ZNF354C: variants seen among roughly 807,000 people sequenced by gnomAD.
ZNF354C encodes zinc finger protein 354C.
ZNF354C carries 7 observed loss-of-function variants against 12.4 expected under a neutral mutation model. The observed-to-expected ratio is 0.56, with a 90% confidence interval of 0.32 to 1.06. ZNF354C has a LOEUF of 1.06. Among genes scored for constraint, ZNF354C ranks in the 50% least tolerant of loss-of-function variants. The pLI is 0.04. For missense variants in ZNF354C, 609 were observed against 658.0 expected (o/e 0.93, Z 0.81); for synonymous variants, 202 against 224.5 (o/e 0.90, Z 0.90).
chr5:179,061,996 A>T lies in ZNF354C; in HGVS notation c.-54-19A>T. ...TCTCCTGACGCCAGGGTTCCTCTTG[A>T]CACCTTTTTCCTCTGCAGACCCACC... On this transcript the variant is annotated intron_variant, in intron 1 of 4. Coordinates refer to ENST00000315475, the MANE Select transcript of ZNF354C (RefSeq NM_014594.3). 6.4e-7 allele frequency: 1 copy of T among 1,556,034 alleles called. No individual in the cohort carries two copies. Among genetic ancestry groups the T allele is most frequent in the Non-Finnish European group, 8.9e-7 (1 of 1,127,600 alleles).
chr5:179,073,932 C>T, intron 2 of ZNF354C, among the ~76,000 whole-genome samples: 1 of 151,962 alleles, frequency 6.6e-6, no homozygotes, highest in East Asian at 1.9e-4. Flanking sequence ...GCTAGGGTTA[C>T]AGGTGTGAGC....
chr5:179,079,467 G>T lies in ZNF354C; in HGVS notation c.1035G>T (p.Arg345Ser), dbSNP rs752740581. ...KAFNCRAKLH[R>S]HQRIHTGEKP... The stretch of plus-strand genomic sequence containing the variant: ...TCAACTGTAGAGCAAAACTTCACAG[G>T]CATCAAAGAATCCATACAGGTGAGA... The change falls in exon 5 of 5, where the codon AGG (arginine) becomes AGT (serine). Residue 345 changes from arginine (R) to serine (S), a missense_variant. Coordinates refer to ENST00000315475, the MANE Select transcript of ZNF354C (RefSeq NM_014594.3). The surrounding 1 kb of genome is among the most constrained non-coding windows in gnomAD (Gnocchi z 4.2). The T allele has an allele frequency of 6.2e-7, 1 of 1,613,472 alleles. No individual in the cohort carries two copies. Among genetic ancestry groups the T allele is most frequent in the Admixed American group, 1.7e-5 (1 of 59,962 alleles).
At position 179,077,071 on chromosome 5, in the gene ZNF354C, G is replaced by A; in HGVS notation, c.155G>A (p.Gly52Glu). The change falls in exon 4 of 5, where the codon GGG becomes GAG. Residue 52 changes from glycine (G) to glutamate (E), a missense_variant and splice_region_variant. Transcript: ENST00000315475. ...LENYSSLVSL[G>E]IPFSMPKLIH... ...ACTTCATTTGCTTCCTCATGAGCAG[G>A]GATTCCATTTTCAATGCCAAAGTTG... The A allele has an allele frequency of 1.2e-6, 2 of 1,614,018 alleles. No homozygotes were observed. Among genetic ancestry groups the A allele is most frequent in the Non-Finnish European group, 1.7e-6 (2 of 1,179,914 alleles).
At chr5:179,076,619 C>T (rs760532217) in intron 3 of ZNF354C, 48 bp downstream of exon 3, 16 of 1,603,306 alleles carry the variant, frequency 1.0e-5, no homozygotes, top group Non-Finnish European at 1.4e-5. Flanking sequence ...GAACGCCTCA[C>T]AGGTCCATCT....
In ZNF354C at chr5:179,062,019, A is replaced by G; in HGVS notation, c.-50A>G. On this transcript the variant is annotated 5_prime_UTR_variant, in exon 2 of 5. Coordinates refer to ENST00000315475, the MANE Select transcript of ZNF354C (RefSeq NM_014594.3). ...TGACACCTTTTTCCTCTGCAGACCC[A>G]CCGTGTCCACACTCTGCTCTCCCTG... is the stretch of plus-strand genomic sequence containing the variant. 6.2e-7 allele frequency: 1 copy of G among 1,610,090 alleles called. No individual in the cohort carries two copies. Among genetic ancestry groups the G allele is most frequent in the Non-Finnish European group, 8.5e-7 (1 of 1,176,988 alleles).
intron 2 of ZNF354C, among the ~76,000 whole-genome samples, chr5:179,066,158 A>G (rs574218041): frequency 6.6e-6 from 1 of 152,330 alleles, no homozygotes; most frequent in African/African-American, 2.4e-5. Flanking sequence ...CTGTCTGTAC[A>G]TATCAATTAT....
intron 2 of ZNF354C, 96 bp downstream of exon 2, chr5:179,062,191 C>A: frequency 1.3e-6 from 2 of 1,506,662 alleles, no homozygotes; most frequent in Non-Finnish European, 1.8e-6. Flanking sequence ...CTTTTTGGTC[C>A]AACCAAAACG....
At chr5:179,076,409 G>T (rs369121341) in intron 2 of ZNF354C, 36 bp from the exon 3 acceptor site, 12 of 1,613,478 alleles carry the variant, frequency 7.4e-6, no homozygotes, top group Non-Finnish European at 9.3e-6. Context: ...TGAAGAAGAT[G>T]GTCCTGGGTG....
chr5:179,075,580 CCT>C (rs1347447305), intron 2 of ZNF354C, among the ~76,000 whole-genome samples: 2 of 152,096 alleles, frequency 1.3e-5, no homozygotes, highest in African/African-American at 4.8e-5. Flanking sequence ...CTTTTCTGCC[CCT>C]CTCCACAAAT....
chr5:179,074,092 C>T (rs1452749108), intron 2 of ZNF354C, among the ~76,000 whole-genome samples: 2 of 152,040 alleles, frequency 1.3e-5, no homozygotes, highest in Non-Finnish European at 2.9e-5. Flanking sequence ...AAGTGATTCT[C>T]CTGCCTCAGC....
At position 179,083,121 on chromosome 5, in the gene ZNF354C, G is replaced by A. The variant is rs1380849584; in HGVS notation, c.*3024G>A. On this transcript the variant is annotated 3_prime_UTR_variant, in exon 5 of 5. Transcript: ENST00000315475. The stretch of plus-strand genomic sequence containing the variant: ...CTGGACTTTTCAAAAAGCAAATGTA[G>A]TAAAACAAAAAGTGGTCTCTGCTAG... The A allele has an allele frequency of 1.8e-5, 10 of 555,316 alleles. No individual in the cohort carries two copies. The highest frequency in any genetic ancestry group is 3.9e-4 in the Middle Eastern group (1 of 2,566). 34.4% of individuals were successfully genotyped at this position (555,316 alleles called of 1,614,324 possible).
Position 179,077,101 on chromosome 5 carries a change from A to G in ZNF354C, c.185A>G (p.His62Arg), listed in dbSNP as rs138371275. The G allele has an allele frequency of 2.5e-6, 4 of 1,614,194 alleles. No individual in the cohort carries two copies. Among genetic ancestry groups the G allele is most frequent in the Non-Finnish European group, 3.4e-6 (4 of 1,180,032 alleles). The part of the protein sequence containing the change: ...GIPFSMPKLI[H>R]QLQQGEDPCM... ...CCATTTTCAATGCCAAAGTTGATTCATCAGTTGCAGCAAGGAGAAGATCCC... is the reference window on the plus strand; with the variant it reads ...CCATTTTCAATGCCAAAGTTGATTCGTCAGTTGCAGCAAGGAGAAGATCCC... Residue 62 changes from histidine to arginine, a missense_variant, in exon 4 of 5, where the codon CAT becomes CGT. Transcript: ENST00000315475.
chr5:179,072,980 T>A (rs1236593121), intron 2 of ZNF354C, among the ~76,000 whole-genome samples: 1 of 152,178 alleles, frequency 6.6e-6, no homozygotes, highest in Non-Finnish European at 1.5e-5. Context: ...AGCTGGTTTC[T>A]ACCATATTGG....
At position 179,080,339 on chromosome 5, in the gene ZNF354C, A is replaced by G. The variant is rs2113128476; in HGVS notation, c.*242A>G. 1 of 275,796 alleles carries G rather than the reference A, an allele frequency of 3.6e-6. No homozygotes were observed. The highest frequency in any genetic ancestry group is 1.4e-4 in the South Asian group (1 of 7,352). 17.1% of individuals were successfully genotyped at this position (275,796 alleles called of 1,614,324 possible). ...TATTTAATTCATAGAAAAAATGTAA[A>G]AGGTCTTTTTAAAAATCATGAAAAA... On this transcript the variant is annotated 3_prime_UTR_variant, in exon 5 of 5. Coordinates refer to ENST00000315475, the MANE Select transcript of ZNF354C (RefSeq NM_014594.3).
intron 2 of ZNF354C, among the ~76,000 whole-genome samples, chr5:179,073,407 C>A (rs947177968): frequency 3.9e-5 from 6 of 151,970 alleles, no homozygotes; most frequent in Non-Finnish European, 7.4e-5. Flanking sequence ...TTTTTCCTTT[C>A]GATTTCTTTA....
At position 179,079,182 on chromosome 5, in the gene ZNF354C, A is replaced by G. The variant is rs757422068; in HGVS notation, c.750A>G (p.Glu250=). ...AACCCTACAAATGTAATGAGTGTGA[A>G]AAAACCTTCAGCCACAGATCATCCC... ...GEKPYKCNEC[E]KTFSHRSSLL... is the part of the protein sequence containing the mutation. The change falls in exon 5 of 5, where the codon GAA becomes GAG. Residue 250 remains glutamate (E), a synonymous_variant. Transcript: ENST00000315475. The surrounding 1 kb of genome is among the most constrained non-coding windows in gnomAD (Gnocchi z 4.2). 2 of 1,613,766 alleles carry G rather than the reference A, an allele frequency of 1.2e-6. No individual in the cohort carries two copies. Among genetic ancestry groups the G allele is most frequent in the Middle Eastern group, 1.7e-4 (1 of 6,058 alleles).
intron 2 of ZNF354C, among the ~76,000 whole-genome samples, chr5:179,066,934 C>G (rs1561748026): frequency 6.6e-6 from 1 of 152,176 alleles, no homozygotes; most frequent in Admixed American, 6.5e-5. Context: ...TGGATATTCA[C>G]TCTGCTCTGT....
intron 2 of ZNF354C, among the ~76,000 whole-genome samples, chr5:179,075,401 A>G (rs1370959409): frequency 6.6e-6 from 1 of 151,986 alleles, no homozygotes; most frequent in African/African-American, 2.4e-5. Context: ...CAGCCTGGCA[A>G]CAGAGCAAGA....
At chr5:179,068,449 T>C (rs1489290667) in intron 2 of ZNF354C, among the ~76,000 whole-genome samples, 1 of 152,230 alleles carries the variant, frequency 6.6e-6, no homozygotes, top group Non-Finnish European at 1.5e-5. Flanking sequence ...AATACATTTC[T>C]AAAAGAGGAA....
Sources: gnomAD v4.1 joint callset for allele counts (sites outside exome capture counted in the v4.1 genomes callset) on GRCh38, gnomAD v4.1.1 for gene constraint, Gnocchi (gnomAD v3.1) non-coding constraint, MANE v1.5 for transcripts, NCBI Gene and HGNC (gene_info 2026-07-23, HGNC 2026-07-21) for gene names.